PATJ: variants seen among roughly 807,000 people sequenced by gnomAD.
PATJ encodes PATJ crumbs cell polarity complex component.
In PATJ, 190 loss-of-function variants were observed where a neutral mutation model predicts 224.9. The observed-to-expected ratio is 0.84, with a 90% CI of 0.75 to 0.95. The LOEUF is 0.95. Among genes scored for constraint, PATJ ranks in the 40% least tolerant of loss-of-function variants. The pLI is 0.00. For missense variants in PATJ, 2,121 were observed against 2,270.3 expected, an observed-to-expected ratio of 0.93 and a Z score of 1.34; for synonymous variants, 769 against 820.3, an observed-to-expected ratio of 0.94 and a Z score of 1.07.
intron 17 of PATJ, among the ~76,000 whole-genome samples, chr1:61,850,486 C>T (rs1051765898): frequency 2.0e-5 from 3 of 152,162 alleles, no homozygotes; most frequent in Non-Finnish European, 4.4e-5. Context: ...CATTCTGTAC[C>T]CTCTAACTTT....
intron 27 of PATJ, among the ~76,000 whole-genome samples, chr1:61,960,961 G>A (rs966081655): frequency 2.0e-5 from 3 of 152,142 alleles, no homozygotes; most frequent in Non-Finnish European, 2.9e-5. Context: ...CATATGGGAA[G>A]GAAAGGGACT....
chr1:61,747,355 C>CA (rs201951603), intron 1 of PATJ, among the ~76,000 whole-genome samples: 40,243 of 151,890 alleles, frequency 0.26, 5,582 homozygotes, highest in East Asian at 0.39. Context: ...TTTTTGTGTT[C>CA]GTACAGCTGT....
intron 25 of PATJ, among the ~76,000 whole-genome samples, chr1:61,912,759 A>G (rs985279178): frequency 1.3e-5 from 2 of 151,828 alleles, no homozygotes; most frequent in African/African-American, 4.8e-5. Context: ...TGTGAGTGGC[A>G]GCTGACATTC....
intron 28 of PATJ, among the ~76,000 whole-genome samples, chr1:62,012,320 A>C (rs1339752613): frequency 2.0e-5 from 3 of 152,234 alleles, no homozygotes; most frequent in Non-Finnish European, 4.4e-5. Context: ...TTATAGTTTC[A>C]TAATCTAGTG....
chr1:61,936,148 A>T (rs190200964), intron 27 of PATJ, among the ~76,000 whole-genome samples: 2 of 151,972 alleles, frequency 1.3e-5, no homozygotes, highest in Non-Finnish European at 2.9e-5. Context: ...GGACATTTTC[A>T]TCACACTTCC....
chr1:62,028,990 T>TACATACATACATACAC (rs2148461644), intron 29 of PATJ, among the ~76,000 whole-genome samples: 1 of 151,914 alleles, frequency 6.6e-6, no homozygotes, highest in East Asian at 1.9e-4. Context: ...CATACATACA[T>TACATACATACATACAC]ACATACACGT....
intron 31 of PATJ, among the ~76,000 whole-genome samples, chr1:62,068,766 T>C (rs1355215151): frequency 6.6e-6 from 1 of 152,222 alleles, no homozygotes; most frequent in Non-Finnish European, 1.5e-5. Context: ...ACAGTAATTT[T>C]CCTGGCCCAC....
rs565390230 is a variant in PATJ at position 62,153,500 on chromosome 1, T to G, written c.5502+19T>G. On this transcript the variant is annotated intron_variant, in intron 43 of 43. Transcript: ENST00000642238. The stretch of plus-strand genomic sequence containing the variant: ...TGCAAAGGTATATCTTCTTTTTTAA[T>G]GTACTTTTTTAAAAAAATTAAACCT... 1 of 1,228,598 alleles carries G rather than the reference T, an allele frequency of 8.1e-7. No homozygotes were observed. Among genetic ancestry groups the G allele is most frequent in the Non-Finnish European group, 1.0e-6 (1 of 984,878 alleles). The allele number at this position is 1,228,598 out of a possible 1,614,324, so 76.1% of individuals were successfully genotyped here.
intron 28 of PATJ, among the ~76,000 whole-genome samples, chr1:61,996,874 C>G (rs1380986617): frequency 6.6e-6 from 1 of 151,314 alleles, no homozygotes; most frequent in Non-Finnish European, 1.5e-5. Flanking sequence ...TCCCGAGTAC[C>G]TGGGATTACA....
chr1:61,814,555 C>T (rs12082696), intron 14 of PATJ, among the ~76,000 whole-genome samples: 5,097 of 137,410 alleles, frequency 0.037, 276 homozygotes, highest in African/African-American at 0.13. Context: ...TGTGCGCGCG[C>T]GCGCGCATGT....
At chr1:61,957,228 A>G (rs1465609654) in intron 27 of PATJ, among the ~76,000 whole-genome samples, 2 of 152,180 alleles carry the variant, frequency 1.3e-5, no homozygotes, top group African/African-American at 2.4e-5. Context: ...GGGTATTCTC[A>G]TGGAACAATG....
Position 61,875,258 on chromosome 1 carries a change from G to A in PATJ, c.2851G>A (p.Val951Ile). The A allele has an allele frequency of 6.3e-7, 1 of 1,589,076 alleles. No homozygotes were observed. Among genetic ancestry groups the A allele is most frequent in the South Asian group, 1.1e-5 (1 of 87,560 alleles). The change falls in exon 21 of 44, where the codon GTC (valine) becomes ATC (isoleucine). Residue 951 changes from valine to isoleucine, a missense_variant. By Grantham distance (29) the Val-to-Ile change is conservative (BLOSUM62 3). Coordinates refer to ENST00000642238, the MANE Select transcript of PATJ (RefSeq NM_001350145.3). ...TCCTCTCAAGATGAAAGAAAATTTT[G>A]TCATGGAGTCCCTACCATCTGTACC... ...CPENVMKENF[V>I]MESLPSVPST...
chr1:61,851,952 T>C (rs1219210073), intron 17 of PATJ, among the ~76,000 whole-genome samples: 1 of 151,542 alleles, frequency 6.6e-6, no homozygotes, highest in Admixed American at 6.6e-5. Flanking sequence ...GGCGGGAGGA[T>C]CACTTGAGGC....
At chr1:61,768,362 C>T (rs553587071) in intron 4 of PATJ, among the ~76,000 whole-genome samples, 7 of 151,850 alleles carry the variant, frequency 4.6e-5, no homozygotes, top group Non-Finnish European at 8.8e-5. Flanking sequence ...CCCAGCTACT[C>T]GGGAGGCTGA....
Position 61,769,321 on chromosome 1 carries a change from A to G in PATJ, c.423A>G (p.Ser141=). ...AATATATAGATATAGAACGGCCTTC[A>G]ACTGGAGGCCTTGGATTCAGTGTGG... ...QIEYIDIERP[S]TGGLGFSVVA... The change falls in exon 5 of 44, where the codon TCA becomes TCG. Residue 141 remains serine, a synonymous_variant. Transcript: ENST00000642238. The G allele has an allele frequency of 6.2e-7, 1 of 1,613,902 alleles. No individual in the cohort carries two copies.
intron 21 of PATJ, among the ~76,000 whole-genome samples, chr1:61,880,380 G>T (rs1282135675): frequency 1.3e-5 from 2 of 152,186 alleles, no homozygotes; most frequent in Admixed American, 1.3e-4. Context: ...GCCACAGAAT[G>T]TTGGATACAC....
chr1:62,050,878 T>A (rs1158988171), intron 30 of PATJ, 88 bp from the exon 31 acceptor site: 5 of 952,282 alleles, frequency 5.3e-6, no homozygotes, highest in Non-Finnish European at 8.3e-6. Flanking sequence ...AACCATATGA[T>A]GAGCAAATGA....
At chr1:62,069,161 A>G (rs1310690373) in intron 31 of PATJ, among the ~76,000 whole-genome samples, 1 of 152,180 alleles carries the variant, frequency 6.6e-6, no homozygotes, top group East Asian at 1.9e-4. Flanking sequence ...TCACTATGTC[A>G]TTGCTGGCTA....
chr1:61,884,531 A>G (rs1668562734), intron 22 of PATJ, 123 bp downstream of exon 22: 1 of 694,694 alleles, frequency 1.4e-6, no homozygotes, highest in South Asian at 2.6e-5. Flanking sequence ...AATATTATGA[A>G]TAAAATCCAC....
Sources: gnomAD v4.1 joint callset for allele counts (sites outside exome capture counted in the v4.1 genomes callset) on GRCh38, gnomAD v4.1.1 for gene constraint, MANE v1.5 for transcripts, NCBI Gene and HGNC (gene_info 2026-07-23, HGNC 2026-07-21) for gene names.